The following CYSLTR2 variants were observed in gnomAD, a reference collection of about 807,000 sequenced individuals.
CYSLTR2 encodes cysteinyl leukotriene receptor 2.
For missense variants in CYSLTR2, 398 were observed against 411.9 expected (o/e 0.97, Z 0.29); for synonymous variants, 179 against 160.8 (o/e 1.11, Z -0.86).
At chr13:48,656,076 T>TA (rs67558969) in intron 1 of CYSLTR2, among the ~76,000 whole-genome samples, 6,787 of 152,130 alleles carry the variant, frequency 0.045, 415 homozygotes, top group East Asian at 0.21. Context: ...TCAAGAAAGA[T>TA]AAAAAAACCA....
At chr13:48,705,445 A>T (rs1281009695) in intron 4 of CYSLTR2, among the ~76,000 whole-genome samples, 3 of 149,256 alleles carry the variant, frequency 2.0e-5, no homozygotes, top group African/African-American at 7.4e-5. Context: ...CTGCCATTTT[A>T]TTTTTTTTCT....
intron 1 of CYSLTR2, among the ~76,000 whole-genome samples, chr13:48,663,467 A>C (rs984050261): frequency 1.9e-4 from 29 of 152,250 alleles, no homozygotes; most frequent in Admixed American, 9.2e-4. Context: ...CTCCTCCATG[A>C]GCATGGGTTG....
chr13:48,662,149 C>T (rs1953145843), intron 1 of CYSLTR2, among the ~76,000 whole-genome samples: 2 of 152,186 alleles, frequency 1.3e-5, no homozygotes, highest in Non-Finnish European at 2.9e-5. Flanking sequence ...AACATAATGT[C>T]CTCCATTTCC....
chr13:48,691,858 T>TA (rs1379264969), intron 2 of CYSLTR2, among the ~76,000 whole-genome samples: 1 of 151,984 alleles, frequency 6.6e-6, no homozygotes, highest in African/African-American at 2.4e-5. Flanking sequence ...AACAGAAAAA[T>TA]AAAAATATTT....
At chr13:48,694,165 G>A (rs1954106276) in intron 3 of CYSLTR2, among the ~76,000 whole-genome samples, 3 of 149,760 alleles carry the variant, frequency 2.0e-5, no homozygotes. Flanking sequence ...TCTACAATGA[G>A]GGCTGAGAAA....
At chr13:48,676,598 AAAGAATT>A (rs1953602740) in intron 1 of CYSLTR2, among the ~76,000 whole-genome samples, 1 of 152,234 alleles carries the variant, frequency 6.6e-6, no homozygotes, top group Admixed American at 6.5e-5. Context: ...ATAGAAGAGA[AAAGAATT>A]AAAGAAAACT....
intron 1 of CYSLTR2, among the ~76,000 whole-genome samples, chr13:48,678,184 T>C (rs963375251): frequency 1.3e-5 from 2 of 152,056 alleles, no homozygotes; most frequent in African/African-American, 4.8e-5. Flanking sequence ...AATTTTTGTA[T>C]TTTTAGTAGA....
At chr13:48,654,599 C>A (rs1383975421) in intron 1 of CYSLTR2, among the ~76,000 whole-genome samples, 2 of 152,042 alleles carry the variant, frequency 1.3e-5, no homozygotes, top group African/African-American at 2.4e-5. Context: ...GAAGTTAAAT[C>A]TGAGCACATA....
At chr13:48,665,292 G>T (rs1164798673) in intron 1 of CYSLTR2, among the ~76,000 whole-genome samples, 1 of 152,068 alleles carries the variant, frequency 6.6e-6, no homozygotes, top group Non-Finnish European at 1.5e-5. Flanking sequence ...GTATTCTGCA[G>T]CTGTTGGGTG....
rs995675810 is a variant in CYSLTR2 at position 48,709,962 on chromosome 13, T to C, written c.*2104T>C. On this transcript the variant is annotated 3_prime_UTR_variant, in exon 5 of 5. Coordinates refer to ENST00000682523, the MANE Select transcript of CYSLTR2 (RefSeq NM_001308476.3). ...ACACATTGAGAGGGATTTAGATTTCTCTTGCAGAGATTGAGATAAACTAGT... is the reference window on the plus strand; with the variant it reads ...ACACATTGAGAGGGATTTAGATTTCCCTTGCAGAGATTGAGATAAACTAGT... 4 of 152,222 alleles carry C rather than the reference T, an allele frequency of 2.6e-5. No individual in the cohort carries two copies. Among genetic ancestry groups the C allele is most frequent in the African/African-American group, 9.7e-5 (4 of 41,450 alleles). 9.4% of individuals were successfully genotyped at this position (152,222 alleles called of 1,614,324 possible). A position where few individuals can be genotyped will look rare whatever the true frequency, so the allele number is the denominator to read the frequency against.
intron 4 of CYSLTR2, among the ~76,000 whole-genome samples, chr13:48,699,172 C>T (rs1954275274): frequency 1.3e-5 from 2 of 152,192 alleles, no homozygotes; most frequent in African/African-American, 4.8e-5. Context: ...CAAAGTGAAC[C>T]TAATAGACAT....
In CYSLTR2 at chr13:48,708,761, G is replaced by A. The variant is rs1954569250; in HGVS notation, c.*903G>A. Reference sequence around the variant, plus strand: ...CACTCAAGGGAAAGATGGAGTAGAGGGCAAATAGCAAAAGTTGTTGCACTC... The same window carrying A: ...CACTCAAGGGAAAGATGGAGTAGAGAGCAAATAGCAAAAGTTGTTGCACTC... On this transcript the variant is annotated 3_prime_UTR_variant, in exon 5 of 5. Coordinates refer to ENST00000682523, the MANE Select transcript of CYSLTR2 (RefSeq NM_001308476.3). 1 of 166,972 alleles carries A rather than the reference G, an allele frequency of 6.0e-6. No individual in the cohort carries two copies. The highest frequency in any genetic ancestry group is 1.5e-5 in the Non-Finnish European group (1 of 68,094). The allele number at this position is 166,972 out of a possible 1,614,324, so 10.3% of individuals were successfully genotyped here.
At chr13:48,699,074 G>A (rs1354467926) in intron 4 of CYSLTR2, among the ~76,000 whole-genome samples, 1 of 152,172 alleles carries the variant, frequency 6.6e-6, no homozygotes, top group African/African-American at 2.4e-5. Flanking sequence ...ATAATAATGG[G>A]AGACTTTAAC....
At chr13:48,660,456 C>G (rs1953099732) in intron 1 of CYSLTR2, among the ~76,000 whole-genome samples, 2 of 152,064 alleles carry the variant, frequency 1.3e-5, no homozygotes, top group African/African-American at 4.8e-5. Flanking sequence ...TTTGGGGGCT[C>G]CTTGAGGCAC....
chr13:48,677,057 G>C (rs868268785), intron 1 of CYSLTR2, among the ~76,000 whole-genome samples: 2 of 152,136 alleles, frequency 1.3e-5, no homozygotes, highest in African/African-American at 4.8e-5. Context: ...ATAGGGTAAA[G>C]GTGAAGTGAC....
At chr13:48,673,566 C>T (rs1328230169) in intron 1 of CYSLTR2, among the ~76,000 whole-genome samples, 1 of 149,564 alleles carries the variant, frequency 6.7e-6, no homozygotes, top group Non-Finnish European at 1.5e-5. Context: ...TGGGTCTTGA[C>T]TCTTTATCCA....
intron 4 of CYSLTR2, 103 bp from the exon 5 acceptor site, chr13:48,706,714 T>G (rs1954497753): frequency 2.3e-6 from 2 of 881,844 alleles, no homozygotes; most frequent in African/African-American, 3.4e-5. Flanking sequence ...AAGATAGTAT[T>G]GCTCCCTGTT....
At chr13:48,676,426 T>C (rs768519299) in intron 1 of CYSLTR2, among the ~76,000 whole-genome samples, 2 of 152,248 alleles carry the variant, frequency 1.3e-5, no homozygotes, top group Non-Finnish European at 2.9e-5. Context: ...TAGATTTTAC[T>C]GGTTAAATCT....
chr13:48,665,541 A>G (rs1033784685), intron 1 of CYSLTR2, among the ~76,000 whole-genome samples: 1 of 151,998 alleles, frequency 6.6e-6, no homozygotes, highest in Admixed American at 6.6e-5. Context: ...TGGTGAATTC[A>G]TCTTTCTATT....
Sources: gnomAD v4.1 joint callset for allele counts (sites outside exome capture counted in the v4.1 genomes callset) on GRCh38, gnomAD v4.1.1 for gene constraint, MANE v1.5 for transcripts, NCBI Gene and HGNC (gene_info 2026-07-23, HGNC 2026-07-21) for gene names.